The following CTNNA3 variants were observed in gnomAD, a reference collection of about 807,000 sequenced individuals.
CTNNA3 encodes catenin alpha 3.
A neutral mutation model predicts 95.7 loss-of-function variants in CTNNA3; 76 were observed. The observed-to-expected ratio is 0.79, with a 90% CI of 0.66 to 0.96. The LOEUF (loss-of-function observed/expected upper bound fraction) is 0.96. CTNNA3 is among the 40% of genes least tolerant of loss of function. The pLI, the probability that CTNNA3 is intolerant of heterozygous loss-of-function variation, is 0.00. For synonymous variants in CTNNA3, 431 were observed against 374.4 expected (o/e 1.15, Z -1.74); for missense variants, 1,191 against 1,089.8 (o/e 1.09, Z -1.31).
intron 15 of CTNNA3, among the ~76,000 whole-genome samples, chr10:65,989,708 T>C (rs916092098): frequency 1.3e-5 from 2 of 152,222 alleles, no homozygotes; most frequent in Non-Finnish European, 2.9e-5. Flanking sequence ...GTATTATTTC[T>C]ATTTGTTGAA....
rs549752746 is a variant in CTNNA3 at position 66,849,368 on chromosome 10, CTTG to C, written c.1048-73847_1048-73845del. ...TCGTTAATGTGCTTTTAAATTTTTT[CTTG>C]TTGTTCCCTTATGTTTGTTTCCTTT... On this transcript the variant is annotated intron_variant, in intron 7 of 17. Transcript: ENST00000433211. 8.3e-3 allele frequency among the ~76,000 whole-genome samples: 1,270 copies of C among 152,170 alleles called. 9 individuals are homozygous for C. Among genetic ancestry groups the C allele is most frequent in the Non-Finnish European group, 0.015 (1,009 of 67,974 alleles).
At chr10:66,782,184 T>C (rs1356952105) in intron 7 of CTNNA3, among the ~76,000 whole-genome samples, 2 of 152,088 alleles carry the variant, frequency 1.3e-5, no homozygotes, top group Non-Finnish European at 2.9e-5. Flanking sequence ...GTGGAGATAA[T>C]ATAAAATCTA....
intron 13 of CTNNA3, among the ~76,000 whole-genome samples, chr10:66,155,403 T>C (rs1374409782): frequency 1.3e-5 from 2 of 151,862 alleles, no homozygotes; most frequent in Non-Finnish European, 2.9e-5. Flanking sequence ...CCAAATTAAA[T>C]AAACTAAACT....
intron 11 of CTNNA3, among the ~76,000 whole-genome samples, chr10:66,402,956 C>T (rs1480019829): frequency 6.6e-6 from 1 of 152,064 alleles, no homozygotes. Context: ...GAAAGTCACT[C>T]CCCCTACCTA....
chr10:67,507,477 T>TG (rs1839463181), intron 5 of CTNNA3, among the ~76,000 whole-genome samples: 1 of 149,506 alleles, frequency 6.7e-6, no homozygotes, highest in South Asian at 2.1e-4. Context: ...GAGGTTTCAG[T>TG]GAACTGAGAT....
At chr10:67,691,952 C>T (rs1415050476) in intron 1 of CTNNA3, among the ~76,000 whole-genome samples, 1 of 148,928 alleles carries the variant, frequency 6.7e-6, no homozygotes, top group African/African-American at 2.5e-5. Context: ...GGGGGGTCAG[C>T]CCCCCACCCG....
intron 15 of CTNNA3, among the ~76,000 whole-genome samples, chr10:66,035,771 T>C (rs1292570301): frequency 6.6e-6 from 1 of 152,100 alleles, no homozygotes; most frequent in African/African-American, 2.4e-5. Context: ...GCCTGGCTTA[T>C]AGTGAGAAGT....
At chr10:66,346,794 T>C (rs1305378781) in intron 12 of CTNNA3, among the ~76,000 whole-genome samples, 2 of 151,972 alleles carry the variant, frequency 1.3e-5, no homozygotes, top group African/African-American at 4.8e-5. Context: ...TCTCAGTAAG[T>C]AAAGAGACTC....
In CTNNA3 at chr10:66,220,393, G is replaced by A. The variant is rs188315758; in HGVS notation, c.1884+60077C>T. Among the ~76,000 whole-genome samples the A allele has an allele frequency of 8.7e-3, 1,318 of 152,246 alleles. 15 individuals are homozygous for A. Among genetic ancestry groups the A allele is most frequent in the African/African-American group, 0.03 (1,260 of 41,550 alleles). ...CCGGTAGTTCTCAACCCCTGAGAGG[G>A]TGCAGGGGCTGGGATGAGTGCTTCT... On this transcript the variant is annotated intron_variant, in intron 13 of 17. Transcript: ENST00000433211.
At chr10:67,577,151 C>G (rs1303485203) in intron 3 of CTNNA3, among the ~76,000 whole-genome samples, 2 of 151,290 alleles carry the variant, frequency 1.3e-5, no homozygotes, top group Non-Finnish European at 1.5e-5. Context: ...AATGGTTGAA[C>G]TAGTTTACAG....
At chr10:67,195,360 C>T (rs1564962412) in intron 6 of CTNNA3, among the ~76,000 whole-genome samples, 1 of 151,884 alleles carries the variant, frequency 6.6e-6, no homozygotes, top group East Asian at 1.9e-4. Flanking sequence ...AAAAACTGAA[C>T]ATGAATTTTG....
In CTNNA3 at chr10:65,915,237, A is replaced by T. The variant is rs1407976577; in HGVS notation, c.*5093T>A. The T allele has an allele frequency of 6.6e-6, 1 of 152,134 alleles. No homozygotes were observed. The highest frequency in any genetic ancestry group is 1.9e-4 in the East Asian group (1 of 5,182). The allele number at this position is 152,134 out of a possible 1,614,324, so 9.4% of individuals were successfully genotyped here. ...GAGAATGGCTGAATTTCTGTTTCTC[A>T]ACTTGCAAACAATATTACTAAATCA... On this transcript the variant is annotated 3_prime_UTR_variant, in exon 18 of 18. Transcript: ENST00000433211.
At chr10:67,366,026 C>T (rs1188886957) in intron 5 of CTNNA3, among the ~76,000 whole-genome samples, 4 of 152,088 alleles carry the variant, frequency 2.6e-5, no homozygotes, top group African/African-American at 9.7e-5. Context: ...CACATATACA[C>T]CATGGAATAC....
intron 11 of CTNNA3, among the ~76,000 whole-genome samples, chr10:66,447,999 A>G (rs1159165409): frequency 1.3e-5 from 2 of 152,226 alleles, no homozygotes; most frequent in Non-Finnish European, 2.9e-5. Flanking sequence ...AAACAACCCC[A>G]TCAAAAAGTG....
intron 7 of CTNNA3, among the ~76,000 whole-genome samples, chr10:66,986,303 C>T (rs1697571201): frequency 2.0e-5 from 3 of 152,030 alleles, no homozygotes; most frequent in Admixed American, 2.0e-4. Flanking sequence ...TTCCAGACAG[C>T]CTGGGCAACA....
intron 5 of CTNNA3, among the ~76,000 whole-genome samples, chr10:67,238,344 G>T (rs1449746175): frequency 6.6e-6 from 1 of 151,752 alleles, no homozygotes; most frequent in East Asian, 1.9e-4. Context: ...ATCGTAAATT[G>T]TTCCTTGAGT....
Position 66,621,708 on chromosome 10 carries a change from T to C in CTNNA3, c.1358A>G (p.Glu453Gly). 1 of 1,608,956 alleles carries C rather than the reference T, an allele frequency of 6.2e-7. No individual in the cohort carries two copies. Among genetic ancestry groups the C allele is most frequent in the Non-Finnish European group, 8.5e-7 (1 of 1,176,712 alleles). The change falls in exon 10 of 18, where the codon GAA becomes GGA. Residue 453 changes from glutamate to glycine, a missense_variant. Physicochemically the swap from Glu to Gly is moderately conservative, Grantham distance 98. Transcript: ENST00000433211. ...TTGTCATACCTGTGGACACAAGGTT[T>C]CCAAATGATTGGCTGCAATTTTGAC... ...KIVKIAANHL[E>G]TLCPQIINAA...
In CTNNA3 at chr10:66,087,634, G is replaced by A. The variant is rs551805459; in HGVS notation, c.1977+15523C>T. 4.6e-5 allele frequency among the ~76,000 whole-genome samples: 7 copies of A among 152,242 alleles called. No homozygotes were observed. The East Asian group carries it at 9.7e-4, about 21-fold the overall frequency. ...CAGTTTACGGAGCCAGTGATCTCTG[G>A]AGTGCTTGGTTGACTCTTTTGTTTT... On this transcript the variant is annotated intron_variant, in intron 14 of 17. Coordinates refer to ENST00000433211, the MANE Select transcript of CTNNA3 (RefSeq NM_013266.4).
rs546529114 is a variant in CTNNA3, at chr10:66,185,367, C to A, written c.1885-82118G>T. The stretch of plus-strand genomic sequence containing the variant: ...TTACCCCCACTTAATAGTTAGGATA[C>A]CTTTTAAAAATGCTTCAAAGAGCAT... On this transcript the variant is annotated intron_variant, in intron 13 of 17. Transcript: ENST00000433211. Among the ~76,000 whole-genome samples, 150 of 151,908 alleles carry A rather than the reference C, an allele frequency of 9.9e-4. 1 individual carries two copies. Among genetic ancestry groups the A allele is most frequent in the South Asian group, 3.1e-3 (15 of 4,788 alleles).
Sources: allele counts gnomAD v4.1 joint callset (sites outside exome capture counted in the v4.1 genomes callset), GRCh38; gene constraint gnomAD v4.1.1; transcripts MANE v1.5; gene names NCBI Gene and HGNC (gene_info 2026-07-23, HGNC 2026-07-21).